THY1: variants seen among roughly 807,000 people sequenced by gnomAD.
The protein encoded by THY1 is thy-1 membrane glycoprotein.
A neutral mutation model predicts 14.9 loss-of-function variants in THY1; 10 were observed. That is an observed-to-expected ratio of 0.67 (90% CI 0.41 to 1.14). The LOEUF (loss-of-function observed/expected upper bound fraction) is 1.14, where lower values mean the gene tolerates loss of function less well. THY1 is among the 50% of genes most tolerant of loss of function. The probability of loss-of-function intolerance (pLI) is 0.00; values close to 1 mark genes in which losing one functional copy is unlikely to be tolerated. For missense variants in THY1, 159 were observed against 202.1 expected (o/e 0.79, Z 1.29); for synonymous variants, 80 against 90.0 (o/e 0.89, Z 0.63).
chr11:119,422,926 C>T lies in THY1; in HGVS notation c.-25+187G>A, dbSNP rs572843022. Among the ~76,000 whole-genome samples, 1 of 152,316 alleles carries T rather than the reference C, an allele frequency of 6.6e-6. No individual in the cohort carries two copies. The highest frequency in any genetic ancestry group is 2.4e-5 in the African/African-American group (1 of 41,580). The stretch of plus-strand genomic sequence containing the variant: ...TTCCCCGAAAGACATCAGGGTGCCA[C>T]GCGGCCCCTGCCCTGCAGAAGCATC... On this transcript the variant is annotated intron_variant, in intron 1 of 3. Transcript: ENST00000284240. This position sits in a 1 kb window ranked among gnomAD's most constrained non-coding sequence, Gnocchi z 7.0.
chr11:119,421,129 A>G (rs1163133156), intron 1 of THY1, 200 bp from the exon 2 acceptor site: 3 of 528,226 alleles, frequency 5.7e-6, no homozygotes, highest in African/African-American at 3.8e-5. Context: ...AGGAGGGAGA[A>G]CAAGCCCAGT....
At position 119,422,433 on chromosome 11, in the gene THY1, A is replaced by G. The variant is rs1025667412; in HGVS notation, c.-25+680T>C. 6.5e-6 allele frequency: 1 copy of G among 153,994 alleles called. No individual in the cohort carries two copies. Among genetic ancestry groups the G allele is most frequent in the African/African-American group, 2.4e-5 (1 of 41,356 alleles). The allele number at this position is 153,994 out of a possible 1,614,324, so 9.5% of individuals were successfully genotyped here. A position where few individuals can be genotyped will look rare whatever the true frequency, so the allele number is the denominator to read the frequency against. On this transcript the variant is annotated intron_variant, in intron 1 of 3. Transcript: ENST00000284240. This position sits in a 1 kb window ranked among gnomAD's most constrained non-coding sequence, Gnocchi z 7.0. ...GAGCGGCTGGGGAGGTGCAGTCTGTATTCATTTCCTCTGGTCTGTGTCCTC... is the reference window on the plus strand; with the variant it reads ...GAGCGGCTGGGGAGGTGCAGTCTGTGTTCATTTCCTCTGGTCTGTGTCCTC...
intron 1 of THY1, among the ~76,000 whole-genome samples, chr11:119,421,442 T>C (rs1861897738): frequency 6.6e-6 from 1 of 152,234 alleles, no homozygotes; most frequent in South Asian, 2.1e-4. Flanking sequence ...TAAAACTCTG[T>C]ATCTGTTAAA....
upstream of THY1, among the ~76,000 whole-genome samples, chr11:119,424,310 A>T (rs1861976785): frequency 6.6e-6 from 1 of 152,112 alleles, no homozygotes; most frequent in South Asian, 2.1e-4. Flanking sequence ...GGTGTAGTGA[A>T]TTTTTTTGAA....
At position 119,418,962 on chromosome 11, in the gene THY1, GCTA is replaced by G; in HGVS notation, c.*443_*445del. On this transcript the variant is annotated 3_prime_UTR_variant, in exon 4 of 4. Transcript: ENST00000284240. ...TGCTGTCAGGACAGACCATGTCCGT[GCTA>G]GGCCCAGGCACAGCCCAACCACTCC... The G allele has an allele frequency of 6.7e-6, 2 of 297,536 alleles. No individual in the cohort carries two copies. Among genetic ancestry groups the G allele is most frequent in the Non-Finnish European group, 1.3e-5 (2 of 151,368 alleles). 18.4% of individuals were successfully genotyped at this position (297,536 alleles called of 1,614,324 possible).
At position 119,415,764 on chromosome 11, in the gene THY1, T is replaced by A. The variant is rs540439357; in HGVS notation, c.*3644A>T. On this transcript the variant is annotated 3_prime_UTR_variant, in exon 4 of 4. Transcript: ENST00000284240. ...AGGACATGTTTCTCCTTGAGTGTGT[T>A]GGGGACATTCCAGGCCTGAGAGTGT... 6.6e-6 allele frequency among the ~76,000 whole-genome samples: 1 copy of A among 152,306 alleles called. No individual in the cohort carries two copies. Among genetic ancestry groups the A allele is most frequent in the African/African-American group, 2.4e-5 (1 of 41,572 alleles).
At position 119,422,791 on chromosome 11, in the gene THY1, G is replaced by C. The variant is rs1458170681; in HGVS notation, c.-25+322C>G. Reference sequence around the variant, plus strand: ...GCCTCTGCGAGCTGGGTTTGGGGACGTCTGGGTGGAATGTAGACCCACAGG... The same window carrying C: ...GCCTCTGCGAGCTGGGTTTGGGGACCTCTGGGTGGAATGTAGACCCACAGG... On this transcript the variant is annotated intron_variant, in intron 1 of 3. Coordinates refer to ENST00000284240, the MANE Select transcript of THY1 (RefSeq NM_006288.5). The surrounding 1 kb of genome is among the most constrained non-coding windows in gnomAD (Gnocchi z 7.0). 6.6e-6 allele frequency among the ~76,000 whole-genome samples: 1 copy of C among 152,148 alleles called. No individual in the cohort carries two copies. Among genetic ancestry groups the C allele is most frequent in the Non-Finnish European group, 1.5e-5 (1 of 68,036 alleles).
At position 119,420,126 on chromosome 11, in the gene THY1, C is replaced by G. The variant is rs1262329170; in HGVS notation, c.298G>C (p.Gly100Arg). 1.2e-6 allele frequency: 2 copies of G among 1,614,058 alleles called. No homozygotes were observed. Among genetic ancestry groups the G allele is most frequent in the Admixed American group, 3.3e-5 (2 of 60,000 alleles). The change falls in exon 3 of 4, where the codon GGC becomes CGC. Residue 100 changes from glycine (G) to arginine (R), a missense_variant. Coordinates refer to ENST00000284240, the MANE Select transcript of THY1 (RefSeq NM_006288.5). ...YLSAFTSKDE[G>R]TYTCALHHSG... The stretch of plus-strand genomic sequence containing the variant: ...TGGTGGAGTGCACACGTGTAGGTGC[C>G]CTCGTCCTTGCTAGTGAAGGCGGAT...
intron 2 of THY1, chr11:119,420,632 C>T (rs1048858564): frequency 3.9e-5 from 25 of 637,020 alleles, no homozygotes; most frequent in Middle Eastern, 3.8e-4. Context: ...ATGCTGGTTC[C>T]GGGTTCTCAG....
In THY1 at chr11:119,420,135, T is replaced by C; in HGVS notation, c.289A>G (p.Lys97Glu). 1 of 1,614,236 alleles carries C rather than the reference T, an allele frequency of 6.2e-7. No homozygotes were observed. Among genetic ancestry groups the C allele is most frequent in the Non-Finnish European group, 8.5e-7 (1 of 1,180,042 alleles). ...GCACACGTGTAGGTGCCCTCGTCCTTGCTAGTGAAGGCGGATAAGTAGAGG... is the reference window on the plus strand; with the variant it reads ...GCACACGTGTAGGTGCCCTCGTCCTCGCTAGTGAAGGCGGATAAGTAGAGG... ...KVLYLSAFTS[K>E]DEGTYTCALH... is the part of the protein sequence containing the mutation. Residue 97 changes from lysine to glutamate, a missense_variant, in exon 3 of 4, where the codon AAG (lysine) becomes GAG (glutamate). Physicochemically the swap from Lys to Glu is moderately conservative, Grantham distance 56. Coordinates refer to ENST00000284240, the MANE Select transcript of THY1 (RefSeq NM_006288.5).
chr11:119,421,246 A>G (rs2135436538), intron 1 of THY1: 1 of 250,410 alleles, frequency 4.0e-6, no homozygotes, highest in Non-Finnish European at 7.5e-6. Flanking sequence ...GTATGGTAAT[A>G]TAAGACCTAT....
Position 119,416,683 on chromosome 11 carries a change from C to T in THY1, c.*2725G>A, listed in dbSNP as rs1286044982. ...AGAGATAGGGTTTCGAGGCTAGTCTCGAACTCCTGACCTCAAGCGATCCGC... is the reference window on the plus strand; with the variant it reads ...AGAGATAGGGTTTCGAGGCTAGTCTTGAACTCCTGACCTCAAGCGATCCGC... On this transcript the variant is annotated 3_prime_UTR_variant, in exon 4 of 4. Coordinates refer to ENST00000284240, the MANE Select transcript of THY1 (RefSeq NM_006288.5). Among the ~76,000 whole-genome samples the T allele has an allele frequency of 6.6e-6, 1 of 152,168 alleles. No homozygotes were observed. The highest frequency in any genetic ancestry group is 1.5e-5 in the Non-Finnish European group (1 of 68,032).
At chr11:119,421,051 C>G (rs1418706535) in intron 1 of THY1, 122 bp from the exon 2 acceptor site, 1 of 810,992 alleles carries the variant, frequency 1.2e-6, no homozygotes, top group African/African-American at 1.7e-5. Context: ...TCCATTCCCC[C>G]TCTCGTCCCT....
chr11:119,423,366 C>G (rs1861953390), upstream of THY1: 1 of 365,788 alleles, frequency 2.7e-6, no homozygotes, highest in African/African-American at 2.1e-5. Flanking sequence ...GGCCCTCACC[C>G]TGTGGCTGGC....
chr11:119,420,610 C>G (rs1375126638), intron 2 of THY1: 5 of 628,754 alleles, frequency 8.0e-6, no homozygotes, highest in Admixed American at 2.9e-5. Context: ...GACAGGAGAT[C>G]TTAGGGAGTT....
chr11:119,423,550 A>G, upstream of THY1: 1 of 239,408 alleles, frequency 4.2e-6, no homozygotes, highest in Non-Finnish European at 8.3e-6. Flanking sequence ...TAAGAGGTGC[A>G]GGATGCAGGC....
rs1379049819 is a variant in THY1, at chr11:119,420,399, G to A, written c.38-13C>T. On this transcript the variant is annotated splice_polypyrimidine_tract_variant and intron_variant, in intron 2 of 3. Transcript: ENST00000284240. ...GAGACCTGCAAGACTGGCACCAGCA[G>A]TGCCTCCTTCAAACTGGAGGGGCCT... 6.3e-7 allele frequency: 1 copy of A among 1,598,204 alleles called. No individual in the cohort carries two copies. The highest frequency in any genetic ancestry group is 8.5e-7 in the Non-Finnish European group (1 of 1,173,766).
Position 119,418,976 on chromosome 11 carries a change from C to A in THY1, c.*432G>T. 4 of 308,208 alleles carry A rather than the reference C, an allele frequency of 1.3e-5. No individual in the cohort carries two copies. Among genetic ancestry groups the A allele is most frequent in the South Asian group, 3.0e-5 (1 of 32,908 alleles). The allele number at this position is 308,208 out of a possible 1,614,324, so 19.1% of individuals were successfully genotyped here. On this transcript the variant is annotated 3_prime_UTR_variant, in exon 4 of 4. Coordinates refer to ENST00000284240, the MANE Select transcript of THY1 (RefSeq NM_006288.5). Reference sequence around the variant, plus strand: ...ACCATGTCCGTGCTAGGCCCAGGCACAGCCCAACCACTCCTCATCCAAGTC... The same window carrying A: ...ACCATGTCCGTGCTAGGCCCAGGCAAAGCCCAACCACTCCTCATCCAAGTC...
At chr11:119,420,817 A>T (rs1861885209) in intron 2 of THY1, 52 bp downstream of exon 2, 4 of 1,608,944 alleles carry the variant, frequency 2.5e-6, no homozygotes, top group East Asian at 2.2e-5. Context: ...GCTTCTCTGG[A>T]GGGAAGGAAG....
Sources: allele counts gnomAD v4.1 joint callset (sites outside exome capture counted in the v4.1 genomes callset), GRCh38; gene constraint gnomAD v4.1.1; non-coding constraint Gnocchi (gnomAD v3.1); transcripts MANE v1.5; gene names NCBI Gene and HGNC (gene_info 2026-07-23, HGNC 2026-07-21).